The following TSPAN9 variants were observed in gnomAD, a reference collection of about 807,000 sequenced individuals.
The protein encoded by TSPAN9 is tetraspanin 9.
Under a neutral mutation model 31.0 loss-of-function variants are expected in TSPAN9, and 16 were observed. The observed-to-expected ratio is 0.52, with a 90% CI of 0.35 to 0.78. TSPAN9 has a LOEUF of 0.78. TSPAN9 is among the 30% of genes least tolerant of loss of function. The pLI, the probability that TSPAN9 is intolerant of heterozygous loss-of-function variation, is 0.01. For synonymous variants in TSPAN9, 145 were observed against 121.6 expected, an observed-to-expected ratio of 1.19 and a Z score of -1.27; for missense variants, 272 against 312.5, an observed-to-expected ratio of 0.87 and a Z score of 0.98.
At chr12:3,253,219 G>A (rs991698789) in intron 3 of TSPAN9, among the ~76,000 whole-genome samples, 24 of 152,162 alleles carry the variant, frequency 1.6e-4, no homozygotes, top group African/African-American at 4.3e-4. Context: ...GCAGGCCCGC[G>A]TTCCTAAGAA....
chr12:3,106,092 A>G (rs1406276165), intron 2 of TSPAN9, among the ~76,000 whole-genome samples: 2 of 152,080 alleles, frequency 1.3e-5, no homozygotes, highest in African/African-American at 4.8e-5. Flanking sequence ...TTGTGCGCGC[A>G]CGCACACACA....
intron 2 of TSPAN9, among the ~76,000 whole-genome samples, chr12:3,117,233 A>G (rs985118852): frequency 6.6e-6 from 1 of 152,074 alleles, no homozygotes; most frequent in African/African-American, 2.4e-5. Context: ...AGGGTGACCC[A>G]TTCTGCTGGA....
chr12:3,160,014 A>G (rs1359820086), intron 2 of TSPAN9, among the ~76,000 whole-genome samples: 1 of 152,176 alleles, frequency 6.6e-6, no homozygotes, highest in Non-Finnish European at 1.5e-5. Flanking sequence ...CCACTGCCAC[A>G]ATTTATATTT....
intron 3 of TSPAN9, among the ~76,000 whole-genome samples, chr12:3,262,171 CTGTT>C (rs1033128496): frequency 3.3e-5 from 5 of 152,324 alleles, no homozygotes; most frequent in East Asian, 1.9e-4. Context: ...GCACTGCTCC[CTGTT>C]TGTTTGTGGG....
chr12:3,227,962 T>C (rs1212000840), intron 3 of TSPAN9, among the ~76,000 whole-genome samples: 1 of 152,180 alleles, frequency 6.6e-6, no homozygotes, highest in Non-Finnish European at 1.5e-5. Context: ...CATTTGGTCC[T>C]TGTGGTCCTT....
Position 3,149,294 on chromosome 12 carries a change from C to G in TSPAN9, c.-17-51883C>G, listed in dbSNP as rs562301074. On this transcript the variant is annotated intron_variant, in intron 2 of 8. Coordinates refer to ENST00000011898, the MANE Select transcript of TSPAN9 (RefSeq NM_006675.5). ...AGGGGCTGGACTTGGGGAGTGTGAG[C>G]TGTAAGGATGGGTGTATTTTGTCCT... 2.0e-5 allele frequency among the ~76,000 whole-genome samples: 3 copies of G among 152,234 alleles called. 1 individual carries two copies. In the South Asian group the frequency reaches 6.2e-4, roughly 32 times the overall value.
intron 3 of TSPAN9, among the ~76,000 whole-genome samples, chr12:3,220,455 C>T (rs558476481): frequency 6.6e-6 from 1 of 152,340 alleles, no homozygotes; most frequent in Admixed American, 6.5e-5. Context: ...CCTGACTCTC[C>T]AGCGGTGCCT....
At chr12:3,118,601 T>G (rs1159499440) in intron 2 of TSPAN9, among the ~76,000 whole-genome samples, 1 of 151,852 alleles carries the variant, frequency 6.6e-6, no homozygotes, top group Non-Finnish European at 1.5e-5. Flanking sequence ...ACAGGGATAC[T>G]TATTTTATAT....
chr12:3,132,966 C>G (rs549959632), intron 2 of TSPAN9, among the ~76,000 whole-genome samples: 4 of 152,272 alleles, frequency 2.6e-5, no homozygotes, highest in East Asian at 1.9e-4. Context: ...CAGATTGTCT[C>G]GAGAGGCGTT....
chr12:3,159,646 C>T (rs1313384585), intron 2 of TSPAN9, among the ~76,000 whole-genome samples: 2 of 152,096 alleles, frequency 1.3e-5, no homozygotes, highest in Non-Finnish European at 2.9e-5. Context: ...GCAGGAAGAC[C>T]ACTTGAGTCC....
chr12:3,232,575 C>T (rs1202667800), intron 3 of TSPAN9, among the ~76,000 whole-genome samples: 1 of 152,240 alleles, frequency 6.6e-6, no homozygotes, highest in South Asian at 2.1e-4. Context: ...AGCTTTGCAT[C>T]GGAATCACCT....
At chr12:3,177,102 A>T (rs2098356125) in intron 2 of TSPAN9, among the ~76,000 whole-genome samples, 1 of 146,868 alleles carries the variant, frequency 6.8e-6, no homozygotes, top group African/African-American at 2.6e-5. Context: ...TTGTTTAAAT[A>T]AAAAAAAAAA....
At chr12:3,137,804 T>G (rs545268691) in intron 2 of TSPAN9, among the ~76,000 whole-genome samples, 13 of 152,234 alleles carry the variant, frequency 8.5e-5, no homozygotes, top group Admixed American at 7.2e-4. Flanking sequence ...TTTTCTTTTT[T>G]TCTAGGGGAA....
chr12:3,251,737 G>T lies in TSPAN9; in HGVS notation c.64-26684G>T, dbSNP rs989659358. ...CTGCCTGGGCCTCCTTCCTCTGACT[G>T]TTGGCACCAGCTGTCAGCCCCTGGA... On this transcript the variant is annotated intron_variant, in intron 3 of 8. Transcript: ENST00000011898. Among the ~76,000 whole-genome samples, 6 of 152,200 alleles carry T rather than the reference G, an allele frequency of 3.9e-5. No individual in the cohort carries two copies. In the East Asian group the frequency reaches 1.2e-3, roughly 29 times the overall value.
At chr12:3,087,266 G>C (rs2098301014) in intron 2 of TSPAN9, among the ~76,000 whole-genome samples, 1 of 152,096 alleles carries the variant, frequency 6.6e-6, no homozygotes, top group Admixed American at 6.5e-5. Context: ...TCATCTGTAG[G>C]CCCAGCACTT....
intron 3 of TSPAN9, among the ~76,000 whole-genome samples, chr12:3,238,189 A>G (rs1373153539): frequency 6.6e-6 from 1 of 152,200 alleles, no homozygotes; most frequent in Admixed American, 6.5e-5. Flanking sequence ...CGAGGGTCAG[A>G]GACACCACGT....
intron 3 of TSPAN9, among the ~76,000 whole-genome samples, chr12:3,238,512 ATACCAAACCC>A (rs1462916945): frequency 6.6e-6 from 1 of 152,202 alleles, no homozygotes; most frequent in Non-Finnish European, 1.5e-5. Context: ...CTAGCTAGGA[ATACCAAACCC>A]TACATGGTCC....
chr12:3,177,194 G>C (rs984432435), intron 2 of TSPAN9, among the ~76,000 whole-genome samples: 1 of 151,766 alleles, frequency 6.6e-6, no homozygotes, highest in Non-Finnish European at 1.5e-5. Flanking sequence ...CCGGACTGCA[G>C]TGGTGCGATC....
intron 3 of TSPAN9, among the ~76,000 whole-genome samples, chr12:3,224,211 C>T (rs3782820): frequency 6.6e-6 from 1 of 152,204 alleles, no homozygotes; most frequent in Non-Finnish European, 1.5e-5. Context: ...GCCCTTCCAT[C>T]TCTCTGTGTA....
Sources: allele counts gnomAD v4.1 joint callset (sites outside exome capture counted in the v4.1 genomes callset), GRCh38; gene constraint gnomAD v4.1.1; transcripts MANE v1.5; gene names NCBI Gene and HGNC (gene_info 2026-07-23, HGNC 2026-07-21).